MMRN1: variants seen among roughly 807,000 people sequenced by gnomAD.
MMRN1 encodes multimerin 1.
A neutral mutation model predicts 100.7 loss-of-function variants in MMRN1; 94 were observed. The ratio of observed to expected loss-of-function variants is 0.93; its 90% CI spans 0.79 to 1.11. The LOEUF is 1.11. Among genes scored for constraint, MMRN1 ranks in the 50% least tolerant of loss-of-function variants. The pLI is 0.00. For synonymous variants in MMRN1, 575 were observed against 505.0 expected (o/e 1.14, Z -1.86); for missense variants, 1,606 against 1,439.1 (o/e 1.12, Z -1.88).
chr4:89,924,468 T>C (rs1356678919), intron 4 of MMRN1, among the ~76,000 whole-genome samples: 1 of 152,006 alleles, frequency 6.6e-6, no homozygotes, highest in African/African-American at 2.4e-5. Flanking sequence ...CCTGCAAATA[T>C]AGTTTGTTTG....
intron 1 of MMRN1, among the ~76,000 whole-genome samples, chr4:89,883,940 G>A (rs903270910): frequency 1.3e-5 from 2 of 151,872 alleles, no homozygotes; most frequent in Non-Finnish European, 2.9e-5. Context: ...TCAAGGTAAA[G>A]GTTCATTTTT....
chr4:89,937,173 A>G (rs1722673797), intron 6 of MMRN1, among the ~76,000 whole-genome samples: 2 of 152,102 alleles, frequency 1.3e-5, no homozygotes, highest in African/African-American at 4.8e-5. Flanking sequence ...ACCATATCTG[A>G]TATGCAATAG....
intron 1 of MMRN1, among the ~76,000 whole-genome samples, chr4:89,882,655 A>G (rs1428270095): frequency 3.3e-5 from 5 of 152,024 alleles, no homozygotes; most frequent in Admixed American, 3.3e-4. Flanking sequence ...TTCAGTAAGC[A>G]AAAGATTGAA....
chr4:89,939,522 C>A (rs539276673), intron 6 of MMRN1, among the ~76,000 whole-genome samples: 1 of 152,084 alleles, frequency 6.6e-6, no homozygotes, highest in African/African-American at 2.4e-5. Flanking sequence ...TTAACAATAC[C>A]TGTGAGGTAA....
intron 1 of MMRN1, among the ~76,000 whole-genome samples, chr4:89,897,653 C>A (rs1278794020): frequency 6.6e-6 from 1 of 152,162 alleles, no homozygotes; most frequent in Non-Finnish European, 1.5e-5. Flanking sequence ...TTGATAAATA[C>A]TAGTTTTTAA....
intron 6 of MMRN1, among the ~76,000 whole-genome samples, chr4:89,942,204 G>A (rs1722852606): frequency 6.6e-6 from 1 of 152,090 alleles, no homozygotes; most frequent in African/African-American, 2.4e-5. Context: ...AAAAATCACA[G>A]GAGCTACTTC....
At chr4:89,905,013 GA>G (rs1230659965) in intron 1 of MMRN1, among the ~76,000 whole-genome samples, 3 of 151,542 alleles carry the variant, frequency 2.0e-5, no homozygotes, top group African/African-American at 2.4e-5. Context: ...TTTAAAAAGA[GA>G]GGGGGGGAAT....
At chr4:89,922,344 G>T (rs1370571009) in intron 3 of MMRN1, among the ~76,000 whole-genome samples, 3 of 152,072 alleles carry the variant, frequency 2.0e-5, no homozygotes, top group Non-Finnish European at 4.4e-5. Flanking sequence ...GACCTCAAGT[G>T]ATCCACCTGC....
At chr4:89,915,131 A>C (rs1295688317) in intron 3 of MMRN1, among the ~76,000 whole-genome samples, 3 of 151,610 alleles carry the variant, frequency 2.0e-5, no homozygotes, top group Non-Finnish European at 4.4e-5. Context: ...AAATTATATA[A>C]GAGCTACTGT....
chr4:89,932,904 G>A (rs1019375708), intron 5 of MMRN1, among the ~76,000 whole-genome samples: 3 of 152,100 alleles, frequency 2.0e-5, no homozygotes, highest in African/African-American at 7.2e-5. Flanking sequence ...GCAAATTTCT[G>A]CCACCAGCTT....
At position 89,882,406 on chromosome 4, in the gene MMRN1, T is replaced by TTTA. The variant is rs200481593; in HGVS notation, c.-249+2806_-249+2807insATT. On this transcript the variant is annotated intron_variant, in intron 1 of 8. Coordinates refer to the MMRN1 transcript ENST00000394980. ...TTTAAATTTATGTGCATTTAGGTGA[T>TTTA]TTTAAGAGGACATGAATGAAGACAG... Among the ~76,000 whole-genome samples, 890 of 151,860 alleles carry TTTA rather than the reference T, an allele frequency of 5.9e-3. 14 individuals carry two copies. The highest frequency in any genetic ancestry group is 0.021 in the African/African-American group (855 of 41,498).
At chr4:89,917,749 G>C (rs980173906) in intron 3 of MMRN1, among the ~76,000 whole-genome samples, 1 of 151,828 alleles carries the variant, frequency 6.6e-6, no homozygotes, top group African/African-American at 2.4e-5. Context: ...ATCAGATTTA[G>C]AGTCACTGGG....
Position 89,940,474 on chromosome 4 carries a change from ATG to A in MMRN1, c.3118+3677_3118+3678del, listed in dbSNP as rs1317900139. On this transcript the variant is annotated intron_variant, in intron 6 of 7. Coordinates refer to ENST00000264790, the MANE Select transcript of MMRN1 (RefSeq NM_007351.3). ...ATATATGCTATTTAAAAGAGAAAAA[ATG>A]AGGACCTAGTGAATATTTAACTGTC... Among the ~76,000 whole-genome samples the A allele has an allele frequency of 3.1e-3, 472 of 152,222 alleles. 1 individual carries two copies. Among genetic ancestry groups the A allele is most frequent in the Non-Finnish European group, 5.9e-3 (399 of 68,004 alleles).
intron 1 of MMRN1, among the ~76,000 whole-genome samples, chr4:89,883,537 A>T (rs1720867829): frequency 6.6e-6 from 1 of 152,088 alleles, no homozygotes; most frequent in Non-Finnish European, 1.5e-5. Context: ...CCAGTTGTGT[A>T]TCTTCCTTTG....
At chr4:89,880,858 A>G (rs1720800873) in intron 1 of MMRN1, among the ~76,000 whole-genome samples, 1 of 152,128 alleles carries the variant, frequency 6.6e-6, no homozygotes, top group Non-Finnish European at 1.5e-5. Context: ...GGGATGTTAA[A>G]AAACAGTCTC....
chr4:89,949,869 C>A (rs538470469), intron 6 of MMRN1, among the ~76,000 whole-genome samples: 1 of 152,166 alleles, frequency 6.6e-6, no homozygotes, highest in East Asian at 1.9e-4. Flanking sequence ...TTATAGGTCT[C>A]ACTTCATGAG....
intron 3 of MMRN1, among the ~76,000 whole-genome samples, chr4:89,916,647 G>A (rs1033001126): frequency 1.3e-5 from 2 of 151,426 alleles, no homozygotes; most frequent in South Asian, 2.1e-4. Flanking sequence ...ATACTTCTAT[G>A]TATGTTTATT....
rs140580411 is a variant in MMRN1 at position 89,918,567 on chromosome 4, A to G, written c.851-4601A>G. Among the ~76,000 whole-genome samples the G allele has an allele frequency of 1.6e-4, 24 of 151,754 alleles. 1 individual carries two copies. The highest frequency in any genetic ancestry group is 5.1e-4 in the African/African-American group (21 of 41,486). On this transcript the variant is annotated intron_variant, in intron 3 of 7. Coordinates refer to ENST00000264790, the MANE Select transcript of MMRN1 (RefSeq NM_007351.3). ...CCATCTTTCTCTCTCCCTCTCGTCT[A>G]CTTTTATTGTCTCTTCTTTATTTGA...
intron 6 of MMRN1, among the ~76,000 whole-genome samples, chr4:89,949,466 A>C (rs1441801191): frequency 6.6e-6 from 1 of 152,234 alleles, no homozygotes; most frequent in African/African-American, 2.4e-5. Context: ...TTGATACAGA[A>C]TATTCACATT....
Sources: gnomAD v4.1 joint callset for allele counts (sites outside exome capture counted in the v4.1 genomes callset) on GRCh38, gnomAD v4.1.1 for gene constraint, MANE v1.5 for transcripts, NCBI Gene and HGNC (gene_info 2026-07-23, HGNC 2026-07-21) for gene names.